Variants in MYH8 observed in about 807,000 individuals in gnomAD.
MYH8 encodes the protein myosin-8.
MYH8 carries 168 observed loss-of-function variants against 233.2 expected under a neutral mutation model. That is an observed-to-expected ratio of 0.72 (90% CI 0.64 to 0.82). The LOEUF is 0.82. Ranked by LOEUF, MYH8 falls within the 40% of genes least tolerant of loss-of-function variation. The pLI, the probability that MYH8 is intolerant of heterozygous loss-of-function variation, is 0.00. For missense variants in MYH8, 1,995 were observed against 2,327.8 expected (o/e 0.86, Z 2.94); for synonymous variants, 785 against 850.6 (o/e 0.92, Z 1.34).
At chr17:10,421,835 A>G (rs569386733) in intron 1 of MYH8, 95 bp downstream of exon 1, 11 of 152,324 alleles carry the variant, frequency 7.2e-5, no homozygotes, top group Admixed American at 5.9e-4. Flanking sequence ...ACAAAAGTTA[A>G]GATTGAGAGA....
intron 15 of MYH8, 69 bp downstream of exon 15, chr17:10,410,708 T>C: frequency 6.2e-7 from 1 of 1,610,344 alleles, no homozygotes; most frequent in Non-Finnish European, 8.5e-7. Flanking sequence ...CAGTAATACT[T>C]TCTAGAATTG....
intron 14 of MYH8, among the ~76,000 whole-genome samples, chr17:10,411,280 G>T (rs969605234): frequency 6.6e-6 from 1 of 151,926 alleles, no homozygotes; most frequent in African/African-American, 2.4e-5. Flanking sequence ...GAAGGCTGAG[G>T]CAGGAAAATT....
At chr17:10,407,001 A>G (rs772983171) in intron 17 of MYH8, 22 bp from the exon 18 acceptor site, 2 of 1,592,304 alleles carry the variant, frequency 1.3e-6, no homozygotes, top group Non-Finnish European at 1.7e-6. Context: ...GACAGAAAGG[A>G]CTTGATGAAA....
At chr17:10,406,497 T>C (rs2072195045) in intron 19 of MYH8, 100 bp from the exon 20 acceptor site, 4 of 1,562,786 alleles carry the variant, frequency 2.6e-6, no homozygotes, top group Admixed American at 3.4e-5. Flanking sequence ...AGAGTAGAAA[T>C]AAAAGTGGAA....
rs1431160081 is a variant in MYH8, at chr17:10,390,403, A to G, written c.*51T>C. 2 of 1,609,862 alleles carry G rather than the reference A, an allele frequency of 1.2e-6. No homozygotes were observed. Among genetic ancestry groups the G allele is most frequent in the East Asian group, 4.5e-5 (2 of 44,868 alleles). On this transcript the variant is annotated 3_prime_UTR_variant, in exon 40 of 40. Coordinates refer to ENST00000403437, the MANE Select transcript of MYH8 (RefSeq NM_002472.3). ...CGTCATAAAGCAAGTGACCAAAAATAGCACATTTTGTGCCTTTCTTCAGCC... is the reference window on the plus strand; with the variant it reads ...CGTCATAAAGCAAGTGACCAAAAATGGCACATTTTGTGCCTTTCTTCAGCC...
In MYH8 at chr17:10,400,855, G is replaced by A. The variant is rs112792971; in HGVS notation, c.3345+14C>T. ...TTTTTGGTGTGCAGAAAAAATAGAGGTGAGATGACTCACCTGCAACTCTTT... is the reference window on the plus strand; with the variant it reads ...TTTTTGGTGTGCAGAAAAAATAGAGATGAGATGACTCACCTGCAACTCTTT... On this transcript the variant is annotated intron_variant, in intron 26 of 39. Transcript: ENST00000403437. The surrounding 1 kb of genome is among the most constrained non-coding windows in gnomAD (Gnocchi z 4.0). 5.1e-4 allele frequency: 817 copies of A among 1,613,782 alleles called. 4 individuals are homozygous for A. The African/African-American group carries it at 9.8e-3, about 19-fold the overall frequency.
Position 10,418,917 on chromosome 17 carries a change from G to C in MYH8, c.324C>G (p.Leu108=). 1 of 1,614,170 alleles carries C rather than the reference G, an allele frequency of 6.2e-7. No individual in the cohort carries two copies. Residue 108 remains leucine, a synonymous_variant, in exon 4 of 40, where the codon CTC becomes CTG. Coordinates refer to ENST00000403437, the MANE Select transcript of MYH8 (RefSeq NM_002472.3). ...HLHEPGVLYN[L]KERYAAWMIY... is the part of the protein sequence containing the mutation. ...TCATCCAGGCTGCATAGCGCTCTTT[G>C]AGGTTGTACAGCACTCCAGGCTCGT...
intron 12 of MYH8, 74 bp from the exon 13 acceptor site, chr17:10,412,802 C>T (rs1416745012): frequency 1.6e-6 from 2 of 1,275,110 alleles, no homozygotes; most frequent in African/African-American, 2.9e-5. Flanking sequence ...CATTTTTCTC[C>T]AATTCAATCT....
chr17:10,412,064 T>A (rs1478381993), intron 14 of MYH8, among the ~76,000 whole-genome samples: 1 of 152,166 alleles, frequency 6.6e-6, no homozygotes, highest in East Asian at 1.9e-4. Context: ...CTTTAGCTAG[T>A]GTTTTGATTT....
At position 10,409,461 on chromosome 17, in the gene MYH8, A is replaced by G. The variant is rs780693693; in HGVS notation, c.1715T>C (p.Val572Ala). The G allele has an allele frequency of 3.7e-6, 6 of 1,614,150 alleles. No individual in the cohort carries two copies. The highest frequency in any genetic ancestry group is 1.1e-5 in the South Asian group (1 of 91,076). The change falls in exon 16 of 40, where the codon GTC (valine) becomes GCC (alanine). Residue 572 changes from valine (V) to alanine (A), a missense_variant. Coordinates refer to ENST00000403437, the MANE Select transcript of MYH8 (RefSeq NM_002472.3). ...GAAGTGGGCCTCAGCCTTGCCTTTG[A>G]CCACCTTGGGCTTCTGGAAGTTGGC... is the stretch of plus-strand genomic sequence containing the variant. ...KSANFQKPKV[V>A]KGKAEAHFSL...
intron 2 of MYH8, among the ~76,000 whole-genome samples, chr17:10,421,393 C>G (rs937604992): frequency 2.6e-5 from 4 of 152,198 alleles, no homozygotes; most frequent in Admixed American, 6.5e-5. Context: ...TCTATTGCCA[C>G]TGGACAGTTC....
Position 10,401,836 on chromosome 17 carries a change from T to C in MYH8, c.2689-51A>G, listed in dbSNP as rs1301945658. ...TAGAGTCTGTTACTTATTTTGAAAC[T>C]TGGTGTTTTTTTTGCGCAAAAATAA... is the stretch of plus-strand genomic sequence containing the variant. On this transcript the variant is annotated intron_variant, in intron 22 of 39. Transcript: ENST00000403437. 2 of 1,612,568 alleles carry C rather than the reference T, an allele frequency of 1.2e-6. 1 individual carries two copies. The highest frequency in any genetic ancestry group is 3.3e-5 in the Admixed American group (2 of 59,880).
intron 22 of MYH8, 50 bp from the exon 23 acceptor site, chr17:10,401,835 C>T (rs759093678): frequency 1.7e-5 from 28 of 1,612,516 alleles, no homozygotes; most frequent in East Asian, 2.2e-5. Context: ...TATTTTGAAA[C>T]TTGGTGTTTT....
In MYH8 at chr17:10,400,535, T is replaced by C; in HGVS notation, c.3590A>G (p.Lys1197Arg). The change falls in exon 27 of 40, where the codon AAG becomes AGG. Residue 1197 changes from lysine to arginine, a missense_variant. Lys to Arg is a conservative substitution (Grantham distance 26, BLOSUM62 2). Around this residue, in one of 3 missense-constraint regions of MYH8, gnomAD observed 1,498 missense variants for 1,680.9 expected, o/e 0.89. Transcript: ENST00000403437. The surrounding 1 kb of genome is among the most constrained non-coding windows in gnomAD (Gnocchi z 4.0). The part of the protein sequence containing the change: ...QHEAMVAALR[K>R]KHADSMAELG... ...CTCAGCCATACTGTCTGCGTGCTTC[T>C]TCCGAAGAGCAGCCACCATAGCTTC... is the stretch of plus-strand genomic sequence containing the variant. 10 of 1,614,192 alleles carry C rather than the reference T, an allele frequency of 6.2e-6. No individual in the cohort carries two copies. The highest frequency in any genetic ancestry group is 2.2e-5 in the East Asian group (1 of 44,878).
rs373356447 is a variant in MYH8, at chr17:10,414,058, A to C, written c.1009-18T>G. 19 of 1,614,066 alleles carry C rather than the reference A, an allele frequency of 1.2e-5. No individual in the cohort carries two copies. In the African/African-American group the frequency reaches 2.0e-4, roughly 17 times the overall value. Reference sequence around the variant, plus strand: ...ATGGCACTCTACCAGGAAAAATGAGAGGACAAAAGTTAGGGCTGAAGAGAC... The same window carrying C: ...ATGGCACTCTACCAGGAAAAATGAGCGGACAAAAGTTAGGGCTGAAGAGAC... On this transcript the variant is annotated intron_variant, in intron 11 of 39. Coordinates refer to ENST00000403437, the MANE Select transcript of MYH8 (RefSeq NM_002472.3).
chr17:10,398,736 G>T, intron 29 of MYH8, 32 bp downstream of exon 29: 1 of 1,613,570 alleles, frequency 6.2e-7, no homozygotes, highest in East Asian at 2.2e-5. Context: ...GTTTAGATTT[G>T]GTTAGTCAAA....
In MYH8 at chr17:10,414,504, T is replaced by G. The variant is rs369267352; in HGVS notation, c.806-20A>C. 18 of 1,524,414 alleles carry G rather than the reference T, an allele frequency of 1.2e-5. No individual in the cohort carries two copies. The highest frequency in any genetic ancestry group is 1.6e-5 in the Non-Finnish European group (18 of 1,099,756). The allele number at this position is 1,524,414 out of a possible 1,614,324, so 94.4% of individuals were successfully genotyped here. On this transcript the variant is annotated intron_variant, in intron 9 of 39. Coordinates refer to ENST00000403437, the MANE Select transcript of MYH8 (RefSeq NM_002472.3). ...AAAGATCTGGAGAGGGAAATAGATA[T>G]CGAGTTTGAAAAAAGTATCAATGCT...
At chr17:10,392,682 G>A in intron 37 of MYH8, 36 bp from the exon 38 acceptor site, 1 of 1,612,818 alleles carries the variant, frequency 6.2e-7, no homozygotes, top group Non-Finnish European at 8.5e-7. Context: ...AGTCAGTCTT[G>A]GGGGATATTA....
intron 17 of MYH8, among the ~76,000 whole-genome samples, chr17:10,407,961 G>A (rs1161835686): frequency 1.1e-5 from 1 of 94,014 alleles, no homozygotes; most frequent in Admixed American, 1.2e-4. Context: ...TTTTTTTTTT[G>A]ACAGAATCTC....
Sources: allele counts gnomAD v4.1 joint callset (sites outside exome capture counted in the v4.1 genomes callset), GRCh38; gene constraint gnomAD v4.1.1; regional missense constraint gnomAD v4.1.1; non-coding constraint Gnocchi (gnomAD v3.1); transcripts MANE v1.5; gene names NCBI Gene and HGNC (gene_info 2026-07-23, HGNC 2026-07-21).